Variants in KLHL20 observed in about 807,000 individuals in gnomAD.
KLHL20 encodes the protein kelch-like protein 20.
Under a neutral mutation model 69.5 loss-of-function variants are expected in KLHL20, and 29 were observed. The observed-to-expected ratio is 0.42, with a 90% CI of 0.31 to 0.57. The LOEUF is 0.57. KLHL20 is among the 20% of genes least tolerant of loss of function. The probability of loss-of-function intolerance (pLI) is 0.18; values close to 1 mark genes in which losing one functional copy is unlikely to be tolerated. For synonymous variants in KLHL20, 253 were observed against 265.2 expected (o/e 0.95, Z 0.45); for missense variants, 419 against 776.0 (o/e 0.54, Z 5.47).
intron 8 of KLHL20, among the ~76,000 whole-genome samples, chr1:173,767,377 A>G (rs775155379): frequency 6.6e-6 from 1 of 152,128 alleles, no homozygotes; most frequent in Non-Finnish European, 1.5e-5. Context: ...TCTCTTCAAC[A>G]TACTTATTTC....
chr1:173,716,080 A>T lies in KLHL20; in HGVS notation c.23+14A>T. On this transcript the variant is annotated intron_variant, in intron 2 of 11. Transcript: ENST00000209884. ...GCCAATGCGCAGGTAGGCATTTAGG[A>T]AGAAAACCTTTGGTTTCACTGATTA... The T allele has an allele frequency of 6.2e-7, 1 of 1,613,208 alleles. No individual in the cohort carries two copies. The highest frequency in any genetic ancestry group is 8.5e-7 in the Non-Finnish European group (1 of 1,179,406).
intron 8 of KLHL20, among the ~76,000 whole-genome samples, chr1:173,771,745 G>C (rs1263406641): frequency 6.6e-6 from 1 of 152,142 alleles, no homozygotes; most frequent in Non-Finnish European, 1.5e-5. Context: ...CCCACCCTGG[G>C]TGACAGACTG....
chr1:173,737,724 G>T (rs1672601670), intron 3 of KLHL20, among the ~76,000 whole-genome samples: 1 of 152,052 alleles, frequency 6.6e-6, no homozygotes, highest in Admixed American at 6.6e-5. Context: ...TGAATTTTAG[G>T]ATTGTTTTTT....
intron 7 of KLHL20, 33 bp from the exon 8 acceptor site, chr1:173,766,113 A>T (rs757162811): frequency 2.0e-6 from 3 of 1,527,534 alleles, no homozygotes; most frequent in East Asian, 2.4e-5. Context: ...CCTTTGTGTA[A>T]TACAAACTCT....
At chr1:173,768,650 T>C (rs1383522643) in intron 8 of KLHL20, among the ~76,000 whole-genome samples, 1 of 152,200 alleles carries the variant, frequency 6.6e-6, no homozygotes, top group Non-Finnish European at 1.5e-5. Flanking sequence ...TAAAAACCTA[T>C]GTACTAGTTC....
chr1:173,757,622 G>A (rs767998821), intron 7 of KLHL20, among the ~76,000 whole-genome samples: 4 of 144,776 alleles, frequency 2.8e-5, no homozygotes, highest in Non-Finnish European at 4.5e-5. Context: ...CCGAGATCAC[G>A]CCACTGCACT....
chr1:173,734,391 C>T, intron 3 of KLHL20, 105 bp downstream of exon 3: 1 of 928,682 alleles, frequency 1.1e-6, no homozygotes, highest in Non-Finnish European at 1.7e-6. Flanking sequence ...GATTCTAACT[C>T]ATAATAGCAA....
chr1:173,755,204 G>A (rs138835538), intron 5 of KLHL20, among the ~76,000 whole-genome samples: 23 of 152,028 alleles, frequency 1.5e-4, no homozygotes, highest in African/African-American at 2.7e-4. Context: ...GACTACAGGC[G>A]CGTACCACCA....
chr1:173,782,017 G>A (rs1648911509), intron 10 of KLHL20, 107 bp from the exon 11 acceptor site: 10 of 721,308 alleles, frequency 1.4e-5, no homozygotes, highest in Non-Finnish European at 2.4e-5. Flanking sequence ...CAGAATGTAA[G>A]GCCATAAAGA....
At chr1:173,761,197 C>CA (rs1408855218) in intron 7 of KLHL20, among the ~76,000 whole-genome samples, 23 of 152,136 alleles carry the variant, frequency 1.5e-4, no homozygotes, top group Admixed American at 1.5e-3. Flanking sequence ...TAGTCTTAAA[C>CA]ATACATGCAC....
At chr1:173,754,513 G>A (rs940673157) in intron 5 of KLHL20, among the ~76,000 whole-genome samples, 1 of 151,672 alleles carries the variant, frequency 6.6e-6, no homozygotes, top group Non-Finnish European at 1.5e-5. Context: ...GAACCTGGGA[G>A]GTGGAGGTTG....
intron 2 of KLHL20, among the ~76,000 whole-genome samples, chr1:173,732,329 A>G (rs1672325364): frequency 6.6e-6 from 1 of 152,160 alleles, no homozygotes; most frequent in African/African-American, 2.4e-5. Flanking sequence ...AAAAAAAATC[A>G]ATAAGTAAAA....
chr1:173,764,884 G>A (rs200561149), intron 7 of KLHL20, among the ~76,000 whole-genome samples: 1 of 90,582 alleles, frequency 1.1e-5, no homozygotes, highest in Non-Finnish European at 2.9e-5. Context: ...GAAAAATAAA[G>A]AACACATCCC....
Position 173,751,895 on chromosome 1 carries a change from T to C in KLHL20, c.729T>C (p.Ile243=). 1 of 1,614,078 alleles carries C rather than the reference T, an allele frequency of 6.2e-7. No individual in the cohort carries two copies. The highest frequency in any genetic ancestry group is 2.2e-5 in the East Asian group (1 of 44,880). The change falls in exon 4 of 12, where the codon ATT becomes ATC. Residue 243 remains isoleucine, a synonymous_variant. Coordinates refer to ENST00000209884, the MANE Select transcript of KLHL20 (RefSeq NM_014458.4). The stretch of plus-strand genomic sequence containing the variant: ...TGATGGCCTGGGTCAAATACAGTAT[T>C]CAGGAAAGACGTCCTCAATTACCCC... The part of the protein sequence containing the change: ...NAVMAWVKYS[I]QERRPQLPQV...
chr1:173,783,512 C>G (rs1185041308), intron 11 of KLHL20, among the ~76,000 whole-genome samples: 1 of 152,134 alleles, frequency 6.6e-6, no homozygotes, highest in Non-Finnish European at 1.5e-5. Flanking sequence ...TAAAGTCAGG[C>G]TAATAACAGC....
intron 11 of KLHL20, 71 bp from the exon 12 acceptor site, chr1:173,785,092 C>T (rs772247083): frequency 1.6e-5 from 18 of 1,148,392 alleles, no homozygotes; most frequent in South Asian, 5.3e-5. Flanking sequence ...ACATCTTAGT[C>T]GTAGTTAATA....
chr1:173,717,198 A>G (rs1671506992), intron 2 of KLHL20, among the ~76,000 whole-genome samples: 1 of 152,232 alleles, frequency 6.6e-6, no homozygotes, highest in South Asian at 2.1e-4. Context: ...AGCTACCATA[A>G]AATGTCATAT....
intron 3 of KLHL20, among the ~76,000 whole-genome samples, chr1:173,740,239 A>G (rs1217722574): frequency 8.2e-5 from 12 of 146,986 alleles, no homozygotes; most frequent in African/African-American, 2.8e-4. Flanking sequence ...CTCCTGCCTC[A>G]GCCTCTCCAA....
intron 8 of KLHL20, among the ~76,000 whole-genome samples, chr1:173,772,393 T>C (rs1236108054): frequency 6.6e-6 from 1 of 152,214 alleles, no homozygotes; most frequent in Non-Finnish European, 1.5e-5. Context: ...TTGCAATAGA[T>C]TGAAATCCAA....
Sources: allele counts gnomAD v4.1 joint callset (sites outside exome capture counted in the v4.1 genomes callset), GRCh38; gene constraint gnomAD v4.1.1; transcripts MANE v1.5; gene names NCBI Gene and HGNC (gene_info 2026-07-23, HGNC 2026-07-21).